The following RABGEF1 variants were observed in gnomAD, a reference collection of about 807,000 sequenced individuals.
The protein encoded by RABGEF1 is rab5 GDP/GTP exchange factor.
Under a neutral mutation model 57.3 loss-of-function variants are expected in RABGEF1, and 26 were observed. That is an observed-to-expected ratio of 0.45 (90% CI 0.33 to 0.63). The LOEUF is 0.63. RABGEF1 is among the 20% of genes least tolerant of loss of function. The probability of loss-of-function intolerance (pLI) is 0.02; values close to 1 mark genes in which losing one functional copy is unlikely to be tolerated. For missense variants in RABGEF1, 464 were observed against 607.6 expected (o/e 0.76, Z 2.48); for synonymous variants, 185 against 210.7 (o/e 0.88, Z 1.06).
chr7:66,668,918 G>C, the RABGEF1 span: 3 of 152,262 alleles, frequency 2.0e-5, no homozygotes, highest in Admixed American at 1.3e-4. Context: ...GAGTAGGTGA[G>C]TAATCTGCTT....
chr7:66,750,808 G>A (rs1206263033), intron 1 of RABGEF1, among the ~76,000 whole-genome samples: 1 of 152,162 alleles, frequency 6.6e-6, no homozygotes, highest in African/African-American at 2.4e-5. Flanking sequence ...TTACGTCAGT[G>A]AAATGCAAAG....
chr7:66,763,352 G>C (rs1804920763), intron 1 of RABGEF1, among the ~76,000 whole-genome samples: 1 of 152,208 alleles, frequency 6.6e-6, no homozygotes, highest in South Asian at 2.1e-4. Flanking sequence ...ATGTGGTGAA[G>C]GTCTGAGGTC....
intron 2 of RABGEF1, among the ~76,000 whole-genome samples, chr7:66,724,370 T>A (rs953934652): frequency 7.9e-5 from 12 of 151,982 alleles, no homozygotes; most frequent in Non-Finnish European, 1.2e-4. Context: ...TATTTTATTT[T>A]TTTTTTTTGA....
At chr7:66,745,389 A>G (rs1799965259) in intron 1 of RABGEF1, among the ~76,000 whole-genome samples, 1 of 152,180 alleles carries the variant, frequency 6.6e-6, no homozygotes, top group African/African-American at 2.4e-5. Flanking sequence ...CCTCAAATGT[A>G]GGAAATACCT....
At chr7:66,775,569 G>A (rs1187927926) in intron 3 of RABGEF1, among the ~76,000 whole-genome samples, 176 bp downstream of exon 3, 2 of 152,130 alleles carry the variant, frequency 1.3e-5, no homozygotes, top group African/African-American at 2.4e-5. Context: ...TACTCTCTTT[G>A]GTTGAAAGAC....
the RABGEF1 span, among the ~76,000 whole-genome samples, chr7:66,658,692 C>A: frequency 1.3e-5 from 2 of 152,146 alleles, no homozygotes; most frequent in Non-Finnish European, 2.9e-5. Flanking sequence ...TAGTGCCAAT[C>A]CTTTGCAAAC....
intron 1 of RABGEF1, chr7:66,770,329 T>C (rs1806788094): frequency 6.6e-6 from 1 of 152,210 alleles, no homozygotes; most frequent in Non-Finnish European, 1.5e-5. Context: ...GCAGTTTGTT[T>C]ATATGGAGAA....
intron 1 of RABGEF1, among the ~76,000 whole-genome samples, chr7:66,690,457 G>C (rs1791357452): frequency 6.7e-6 from 1 of 148,938 alleles, no homozygotes; most frequent in East Asian, 2.1e-4. Context: ...GCTCATGCTG[G>C]TAATCCCAGC....
chr7:66,733,085 A>G (rs1797530104), intron 2 of RABGEF1, among the ~76,000 whole-genome samples: 1 of 152,018 alleles, frequency 6.6e-6, no homozygotes, highest in African/African-American at 2.4e-5. Context: ...CCTGGCCCCT[A>G]AGGCATTGGT....
At chr7:66,742,775 T>C (rs1799288289) in intron 1 of RABGEF1, among the ~76,000 whole-genome samples, 1 of 152,086 alleles carries the variant, frequency 6.6e-6, no homozygotes, top group Non-Finnish European at 1.5e-5. Flanking sequence ...CCCAGCTGAT[T>C]TTTAAATATT....
intron 2 of RABGEF1, among the ~76,000 whole-genome samples, chr7:66,716,020 T>G (rs1327150042): frequency 6.6e-6 from 1 of 152,238 alleles, no homozygotes; most frequent in Non-Finnish European, 1.5e-5. Flanking sequence ...TTTCTATCTG[T>G]TCTGTCCATT....
chr7:66,682,128 AG>A, upstream of RABGEF1: 1 of 167,424 alleles, frequency 6.0e-6, no homozygotes. Context: ...CGGGGCAAGC[AG>A]GGGGTGTGTG....
At chr7:66,684,393 A>T (rs1290646603) in intron 1 of RABGEF1, among the ~76,000 whole-genome samples, 4 of 152,154 alleles carry the variant, frequency 2.6e-5, no homozygotes, top group Non-Finnish European at 5.9e-5. Context: ...GTCTGAACCG[A>T]GGTTGCACCA....
intron 6 of RABGEF1, 117 bp downstream of exon 6, chr7:66,797,623 T>C: frequency 8.6e-7 from 1 of 1,168,258 alleles, no homozygotes; most frequent in Non-Finnish European, 1.2e-6. Flanking sequence ...CTCATGTTCC[T>C]GCTTCCTTAG....
chr7:66,675,765 T>C, the RABGEF1 span, among the ~76,000 whole-genome samples: 3 of 152,294 alleles, frequency 2.0e-5, no homozygotes, highest in East Asian at 1.9e-4. Flanking sequence ...CAAAAATTAG[T>C]TGCATTTTTG....
intron 2 of RABGEF1, among the ~76,000 whole-genome samples, chr7:66,734,525 A>G (rs553353052): frequency 6.6e-6 from 1 of 150,976 alleles, no homozygotes; most frequent in African/African-American, 2.4e-5. Context: ...TGAATGCCTG[A>G]CCTCAAGTGA....
intron 1 of RABGEF1, among the ~76,000 whole-genome samples, chr7:66,711,796 C>T (rs539332656): frequency 8.2e-4 from 125 of 152,222 alleles, no homozygotes; most frequent in Non-Finnish European, 1.5e-3. Flanking sequence ...CCATGTTAGC[C>T]AGGATGGTCT....
At chr7:66,781,900 G>A (rs1325908280) in intron 3 of RABGEF1, among the ~76,000 whole-genome samples, 4 of 152,148 alleles carry the variant, frequency 2.6e-5, no homozygotes, top group African/African-American at 9.7e-5. Context: ...GGACACTCTA[G>A]GACAGACTCT....
intron 4 of RABGEF1, among the ~76,000 whole-genome samples, chr7:66,789,797 C>A (rs969235053): frequency 6.8e-6 from 1 of 147,240 alleles, no homozygotes; most frequent in African/African-American, 2.5e-5. Context: ...AAACTTAAAT[C>A]ATCATCCTGG....
Sources: gnomAD v4.1 joint callset for allele counts (sites outside exome capture counted in the v4.1 genomes callset) on GRCh38, gnomAD v4.1.1 for gene constraint, MANE v1.5 for transcripts, NCBI Gene and HGNC (gene_info 2026-07-23, HGNC 2026-07-21) for gene names.